The following TMEM177 variants were observed in gnomAD, a reference collection of about 807,000 sequenced individuals.
TMEM177 encodes transmembrane protein 177.
In TMEM177, 4 loss-of-function variants were observed where a neutral mutation model predicts 14.2. The observed-to-expected ratio is 0.28, with a 90% CI of 0.14 to 0.64. The LOEUF is 0.64. Ranked by LOEUF, TMEM177 falls within the 30% of genes least tolerant of loss-of-function variation. The pLI, the probability that TMEM177 is intolerant of heterozygous loss-of-function variation, is 0.82. For missense variants in TMEM177, 344 were observed against 405.2 expected (o/e 0.85, Z 1.30); for synonymous variants, 179 against 174.5 (o/e 1.03, Z -0.20).
the TMEM177 span, among the ~76,000 whole-genome samples, chr2:119,709,928 A>G: frequency 6.6e-6 from 1 of 152,186 alleles, no homozygotes; most frequent in Admixed American, 6.5e-5. Context: ...AGATGTCAAA[A>G]TGTACGCACT....
Position 119,681,307 on chromosome 2 carries a change from T to G in TMEM177, c.454T>G (p.Phe152Val). 1 of 1,614,202 alleles carries G rather than the reference T, an allele frequency of 6.2e-7. No individual in the cohort carries two copies. Among genetic ancestry groups the G allele is most frequent in the South Asian group, 1.1e-5 (1 of 91,080 alleles). The change falls in exon 2 of 2, where the codon TTC becomes GTC. Residue 152 changes from phenylalanine to valine, a missense_variant. By Grantham distance (50) the Phe-to-Val change is conservative. Transcript: ENST00000272521. ...SLTLSREAQK[F>V]ALAREVVYLE... The stretch of plus-strand genomic sequence containing the variant: ...GACCTTGTCCCGTGAAGCCCAGAAG[T>G]TCGCCTTGGCCAGGGAAGTGGTGTA...
the TMEM177 span, among the ~76,000 whole-genome samples, chr2:119,700,376 G>A: frequency 2.6e-5 from 4 of 152,202 alleles, no homozygotes; most frequent in South Asian, 2.1e-4. Flanking sequence ...GAGAGTTCCC[G>A]TGGCATTGTC....
the TMEM177 span, among the ~76,000 whole-genome samples, chr2:119,692,624 C>G: frequency 6.6e-6 from 1 of 152,254 alleles, no homozygotes; most frequent in African/African-American, 2.4e-5. Flanking sequence ...AGCTCCCACA[C>G]AGTGCCTCAG....
Position 119,681,709 on chromosome 2 carries a change from A to G in TMEM177, c.856A>G (p.Ile286Val). The stretch of plus-strand genomic sequence containing the variant: ...CATCGTCCCCAGACACTTGTTCCGA[A>G]TCAAACATTTACCCTACACCACCCG... ...GNIVPRHLFRIKHLPYTTRRD... is the reference protein window; with the variant it reads ...GNIVPRHLFRVKHLPYTTRRD... The change falls in exon 2 of 2, where the codon ATC becomes GTC. Residue 286 changes from isoleucine (I) to valine (V), a missense_variant. By Grantham distance (29) the Ile-to-Val change is conservative. Transcript: ENST00000272521. The G allele has an allele frequency of 6.2e-6, 10 of 1,614,154 alleles. No homozygotes were observed. Among genetic ancestry groups the G allele is most frequent in the Non-Finnish European group, 7.6e-6 (9 of 1,180,038 alleles).
chr2:119,703,559 T>C, the TMEM177 span, among the ~76,000 whole-genome samples: 1 of 152,194 alleles, frequency 6.6e-6, no homozygotes, highest in African/African-American at 2.4e-5. Flanking sequence ...CCAGGGATAT[T>C]TAATGACATG....
chr2:119,685,649 A>G (rs1473894897), downstream of TMEM177: 4 of 717,354 alleles, frequency 5.6e-6, no homozygotes, highest in Non-Finnish European at 1.0e-5. Context: ...TATTATTTCA[A>G]TTTTACAGGA....
chr2:119,718,306 C>G, the TMEM177 span, among the ~76,000 whole-genome samples: 1 of 152,274 alleles, frequency 6.6e-6, no homozygotes, highest in Non-Finnish European at 1.5e-5. Flanking sequence ...TCATTTCCCC[C>G]ACTAAGGAGC....
the TMEM177 span, among the ~76,000 whole-genome samples, chr2:119,702,372 C>T: frequency 6.6e-6 from 1 of 152,170 alleles, no homozygotes; most frequent in Middle Eastern, 3.4e-3. Context: ...ATGGGGACTC[C>T]TTGGCTGCTG....
chr2:119,698,317 T>G, the TMEM177 span, among the ~76,000 whole-genome samples: 4,014 of 152,234 alleles, frequency 0.026, 56 homozygotes, highest in Non-Finnish European at 0.032. Flanking sequence ...CCCTGCACAG[T>G]TGGGGGAAGA....
At chr2:119,705,050 A>T in the TMEM177 span, among the ~76,000 whole-genome samples, 1 of 152,186 alleles carries the variant, frequency 6.6e-6, no homozygotes, top group African/African-American at 2.4e-5. Context: ...CCTGGCACGT[A>T]TTAGTGGCTC....
the TMEM177 span, among the ~76,000 whole-genome samples, chr2:119,694,146 CCACA>C: frequency 1.3e-5 from 1 of 76,744 alleles, no homozygotes; most frequent in African/African-American, 4.9e-5. Flanking sequence ...ATTGCACGTA[CCACA>C]CACATGCAAC....
the TMEM177 span, among the ~76,000 whole-genome samples, chr2:119,710,890 G>A: frequency 2.0e-5 from 3 of 152,118 alleles, no homozygotes; most frequent in Admixed American, 1.3e-4. Flanking sequence ...GGTTACAGGC[G>A]TGAGCCACCA....
chr2:119,711,273 T>C, the TMEM177 span, among the ~76,000 whole-genome samples: 1 of 152,220 alleles, frequency 6.6e-6, no homozygotes, highest in Non-Finnish European at 1.5e-5. Context: ...GGAGATTTGG[T>C]ATAAATCTCT....
intron 1 of TMEM177, 119 bp from the exon 2 acceptor site, chr2:119,680,713 A>G: frequency 1.3e-6 from 1 of 752,972 alleles, no homozygotes; most frequent in South Asian, 1.9e-5. Context: ...TCTAGAGCCC[A>G]CACTCTTCAC....
At chr2:119,717,734 G>T in the TMEM177 span, among the ~76,000 whole-genome samples, 2 of 149,476 alleles carry the variant, frequency 1.3e-5, no homozygotes. Context: ...TCAGCCTCCC[G>T]AGTAGCTGAG....
chr2:119,699,352 G>A, the TMEM177 span, among the ~76,000 whole-genome samples: 3 of 152,160 alleles, frequency 2.0e-5, no homozygotes, highest in East Asian at 1.9e-4. Flanking sequence ...TCACAAGCAC[G>A]GCACGGGGGA....
chr2:119,681,582 C>T lies in TMEM177; in HGVS notation c.729C>T (p.Ala243=), dbSNP rs753146475. The change falls in exon 2 of 2, where the codon GCC becomes GCT. Residue 243 remains alanine, a synonymous_variant. Coordinates refer to ENST00000272521, the MANE Select transcript of TMEM177 (RefSeq NM_030577.3). ...CGGCCTCCCTCTCTGCAGCCTATGCCTGTGGTGGAGTGGAGTTCTATGAGA... is the reference window on the plus strand; with the variant it reads ...CGGCCTCCCTCTCTGCAGCCTATGCTTGTGGTGGAGTGGAGTTCTATGAGA... ...RRTASLSAAY[A]CGGVEFYEKL... 1.2e-6 allele frequency: 2 copies of T among 1,614,254 alleles called. No homozygotes were observed. Among genetic ancestry groups the T allele is most frequent in the Admixed American group, 1.7e-5 (1 of 60,030 alleles).
chr2:119,706,861 A>G, the TMEM177 span, among the ~76,000 whole-genome samples: 1 of 152,076 alleles, frequency 6.6e-6, no homozygotes, highest in Non-Finnish European at 1.5e-5. Context: ...ACACAGAAAG[A>G]TGTGGGAGAG....
chr2:119,712,572 C>T, the TMEM177 span, among the ~76,000 whole-genome samples: 2 of 152,166 alleles, frequency 1.3e-5, no homozygotes, highest in African/African-American at 4.8e-5. Flanking sequence ...GGGGCATCCA[C>T]AAGCCAAGAA....
Sources: allele counts gnomAD v4.1 joint callset (sites outside exome capture counted in the v4.1 genomes callset), GRCh38; gene constraint gnomAD v4.1.1; transcripts MANE v1.5; gene names NCBI Gene and HGNC (gene_info 2026-07-23, HGNC 2026-07-21).